Variants in NRDC observed in about 807,000 individuals in gnomAD.
The protein encoded by NRDC is nardilysin.
NRDC carries 54 observed loss-of-function variants against 147.1 expected under a neutral mutation model. The ratio of observed to expected loss-of-function variants is 0.37; its 90% CI spans 0.29 to 0.46. The LOEUF is 0.46. Ranked by LOEUF, NRDC falls within the 20% of genes least tolerant of loss-of-function variation. The pLI is 1.00. For synonymous variants in NRDC, 440 were observed against 482.1 expected (o/e 0.91, Z 1.14); for missense variants, 1,082 against 1,370.6 (o/e 0.79, Z 3.33).
chr1:51,803,888 G>C lies in NRDC; in HGVS notation c.2239C>G (p.Gln747Glu). 1 of 1,613,708 alleles carries C rather than the reference G, an allele frequency of 6.2e-7. No individual in the cohort carries two copies. Among genetic ancestry groups the C allele is most frequent in the South Asian group, 1.1e-5 (1 of 91,016 alleles). Reference protein sequence around the residue: ...AEPAYEADVAQLEYKLVAGEH... With the variant: ...AEPAYEADVAELEYKLVAGEH... ...CCAGCTACCAGTTTATACTCCAGCTGTGCCACATCTGCTTCATAAGCTGGT... is the reference window on the plus strand; with the variant it reads ...CCAGCTACCAGTTTATACTCCAGCTCTGCCACATCTGCTTCATAAGCTGGT... Residue 747 changes from glutamine (Q) to glutamate (E), a missense_variant, in exon 20 of 31, where the codon CAG (glutamine) becomes GAG (glutamate). This residue lies in a region of NRDC where 635 missense variants were observed against 923.8 expected (regional missense o/e 0.69). Coordinates refer to ENST00000352171, the MANE Select transcript of NRDC (RefSeq NM_001101662.2).
chr1:51,861,259 G>A (rs1682519666), intron 1 of NRDC, among the ~76,000 whole-genome samples: 1 of 121,424 alleles, frequency 8.2e-6, no homozygotes. Context: ...TGCCCAAGTG[G>A]TATTACTTTT....
intron 5 of NRDC, among the ~76,000 whole-genome samples, chr1:51,827,386 T>C (rs1015135305): frequency 2.0e-5 from 3 of 152,208 alleles, no homozygotes; most frequent in African/African-American, 7.2e-5. Flanking sequence ...TATTAAATGC[T>C]TCTAATACTT....
intron 1 of NRDC, among the ~76,000 whole-genome samples, chr1:51,864,822 C>T (rs1682726764): frequency 6.6e-6 from 1 of 151,868 alleles, no homozygotes; most frequent in Non-Finnish European, 1.5e-5. Context: ...CGTGGTGGTG[C>T]ATGCCTGTAG....
intron 1 of NRDC, among the ~76,000 whole-genome samples, chr1:51,872,001 A>G (rs1178026186): frequency 6.6e-6 from 1 of 152,024 alleles, no homozygotes; most frequent in Non-Finnish European, 1.5e-5. Context: ...CCTCCCCAGT[A>G]TCTGGGATTA....
chr1:51,790,849 T>C, intron 28 of NRDC, 51 bp downstream of exon 28: 1 of 1,468,434 alleles, frequency 6.8e-7, no homozygotes, highest in Non-Finnish European at 9.4e-7. Context: ...AAGATTTGTA[T>C]CTGGGGGCTT....
intron 1 of NRDC, among the ~76,000 whole-genome samples, chr1:51,854,961 TTC>T (rs1451726124): frequency 6.6e-6 from 1 of 152,202 alleles, no homozygotes; most frequent in African/African-American, 2.4e-5. Flanking sequence ...CTAAATTTCT[TTC>T]TGAGGGGCCT....
At chr1:51,829,439 G>A (rs1439504335) in intron 4 of NRDC, among the ~76,000 whole-genome samples, 1 of 152,244 alleles carries the variant, frequency 6.6e-6, no homozygotes, top group Non-Finnish European at 1.5e-5. Context: ...ACGAAGTTGA[G>A]TAGTCATCTG....
Position 51,870,683 on chromosome 1 carries a change from C to G in NRDC, c.341+7592G>C, listed in dbSNP as rs554782642. Among the ~76,000 whole-genome samples, 3 of 152,200 alleles carry G rather than the reference C, an allele frequency of 2.0e-5. No homozygotes were observed. The South Asian group carries it at 6.2e-4, about 32-fold the overall frequency. On this transcript the variant is annotated intron_variant, in intron 1 of 30. Coordinates refer to ENST00000352171, the MANE Select transcript of NRDC (RefSeq NM_001101662.2). ...TTCACTTTAAGTGAAGATATTTTCTCGTCTCTCTAAAATGAGCCTCTCTGG... is the reference window on the plus strand; with the variant it reads ...TTCACTTTAAGTGAAGATATTTTCTGGTCTCTCTAAAATGAGCCTCTCTGG...
intron 1 of NRDC, among the ~76,000 whole-genome samples, chr1:51,850,230 G>A (rs572203597): frequency 2.0e-5 from 3 of 152,158 alleles, no homozygotes; most frequent in East Asian, 1.9e-4. Flanking sequence ...TAAGGTGACT[G>A]AAATGAAGCT....
chr1:51,870,309 T>C (rs188009831), intron 1 of NRDC, among the ~76,000 whole-genome samples: 2 of 152,314 alleles, frequency 1.3e-5, no homozygotes, highest in East Asian at 1.9e-4. Context: ...GAAAGACTAG[T>C]ACCATTTGTG....
At chr1:51,823,150 T>A (rs1039426325) in intron 7 of NRDC, among the ~76,000 whole-genome samples, 1 of 152,206 alleles carries the variant, frequency 6.6e-6, no homozygotes, top group African/African-American at 2.4e-5. Flanking sequence ...TTCATCAGTC[T>A]TTACATTTAA....
intron 5 of NRDC, 96 bp from the exon 6 acceptor site, chr1:51,825,478 C>T (rs1680404458): frequency 1.1e-6 from 1 of 918,440 alleles, no homozygotes; most frequent in South Asian, 1.5e-5. Context: ...AAGGAATTAA[C>T]AAAATTAACT....
intron 14 of NRDC, among the ~76,000 whole-genome samples, chr1:51,812,947 G>GC (rs1679794726): frequency 9.0e-6 from 1 of 110,514 alleles, no homozygotes; most frequent in Non-Finnish European, 1.7e-5. Flanking sequence ...AGATGACAGA[G>GC]CAAGACTCTG....
intron 1 of NRDC, among the ~76,000 whole-genome samples, chr1:51,866,682 C>A (rs1571922397): frequency 2.0e-5 from 3 of 146,598 alleles, no homozygotes; most frequent in African/African-American, 2.5e-5. Flanking sequence ...ATCTCAAAAG[C>A]AATGTTAAAC....
chr1:51,852,960 A>T (rs1412935052), intron 1 of NRDC, among the ~76,000 whole-genome samples: 2 of 152,116 alleles, frequency 1.3e-5, no homozygotes, highest in Admixed American at 6.6e-5. Flanking sequence ...ACGGTGGCTC[A>T]TGCCTATAAT....
rs1045263447 is a variant in NRDC, at chr1:51,823,649, ATAAT to A, written c.1159+11_1159+14del. On this transcript the variant is annotated intron_variant, in intron 7 of 30. Coordinates refer to ENST00000352171, the MANE Select transcript of NRDC (RefSeq NM_001101662.2). Reference sequence around the variant, plus strand: ...CTACTTCAAGGTAACTCTAAGAGCCATAATTAATAGTTACCTTTGGATTGAACCA... The same window carrying A: ...CTACTTCAAGGTAACTCTAAGAGCCATAATAGTTACCTTTGGATTGAACCA... 4.4e-6 allele frequency: 7 copies of A among 1,601,798 alleles called. No homozygotes were observed. Among genetic ancestry groups the A allele is most frequent in the Non-Finnish European group, 6.0e-6 (7 of 1,172,560 alleles).
rs750673493 is a variant in NRDC, at chr1:51,819,788, T to C, written c.1291+12A>G. ...ATTATTTCAAACAGTTTTAAACTTT[T>C]GGTTCACAAACCTCTATAAAGTTTG... is the stretch of plus-strand genomic sequence containing the variant. On this transcript the variant is annotated intron_variant, in intron 9 of 30. Coordinates refer to ENST00000352171, the MANE Select transcript of NRDC (RefSeq NM_001101662.2). 5 of 1,591,002 alleles carry C rather than the reference T, an allele frequency of 3.1e-6. No individual in the cohort carries two copies. The South Asian group carries it at 3.4e-5, about 11-fold the overall frequency.
intron 4 of NRDC, among the ~76,000 whole-genome samples, chr1:51,833,440 TAAAAAA>T (rs34771592): frequency 8.2e-6 from 1 of 121,462 alleles, no homozygotes; most frequent in African/African-American, 3.1e-5. Flanking sequence ...CCATATCTCT[TAAAAAA>T]AAAAAAAAAA....
chr1:51,825,158 A>C (rs1444609311), intron 6 of NRDC, 129 bp downstream of exon 6: 6 of 648,848 alleles, frequency 9.2e-6, no homozygotes, highest in African/African-American at 1.9e-5. Flanking sequence ...TGAAAGGCTA[A>C]CTAGCTATCC....
Sources: gnomAD v4.1 joint callset for allele counts (sites outside exome capture counted in the v4.1 genomes callset) on GRCh38, gnomAD v4.1.1 for gene constraint, gnomAD v4.1.1 regional missense constraint, MANE v1.5 for transcripts, NCBI Gene and HGNC (gene_info 2026-07-23, HGNC 2026-07-21) for gene names.